The following LHX8 variants were observed in gnomAD, a reference collection of about 807,000 sequenced individuals.
LHX8 encodes LIM homeobox 8, also known as LIM/homeobox protein Lhx8.
A neutral mutation model predicts 40.3 loss-of-function variants in LHX8; 12 were observed. The ratio of observed to expected loss-of-function variants is 0.30; its 90% CI spans 0.19 to 0.48. The LOEUF (loss-of-function observed/expected upper bound fraction) is 0.48, where lower values mean the gene tolerates loss of function less well. LHX8 is among the 20% of genes least tolerant of loss of function. LHX8 has a pLI of 0.99. For synonymous variants in LHX8, 179 were observed against 162.0 expected (o/e 1.10, Z -0.80); for missense variants, 344 against 433.7 (o/e 0.79, Z 1.84).
chr1:75,194,200 T>G, the LHX8 span, among the ~76,000 whole-genome samples: 1 of 152,034 alleles, frequency 6.6e-6, no homozygotes, highest in African/African-American at 2.4e-5. Context: ...CTCCTACTTT[T>G]TTATTCATTT....
chr1:75,171,821 A>G, the LHX8 span, among the ~76,000 whole-genome samples: 1 of 152,194 alleles, frequency 6.6e-6, no homozygotes, highest in Non-Finnish European at 1.5e-5. Context: ...CAGGGTAACA[A>G]TGGCCATCTT....
chr1:75,137,602 T>C (rs1194753429), intron 3 of LHX8, among the ~76,000 whole-genome samples: 1 of 152,198 alleles, frequency 6.6e-6, no homozygotes, highest in Non-Finnish European at 1.5e-5. Flanking sequence ...TGCTTAGTTA[T>C]TTTTCACCCA....
chr1:75,192,420 C>CCCAAGG, the LHX8 span, among the ~76,000 whole-genome samples: 1 of 152,122 alleles, frequency 6.6e-6, no homozygotes, highest in African/African-American at 2.4e-5. Flanking sequence ...AGTCCTAATT[C>CCCAAGG]CCAAGGCCTA....
At chr1:75,143,460 T>G (rs980074032) in intron 5 of LHX8, 122 bp downstream of exon 5, 6 of 680,174 alleles carry the variant, frequency 8.8e-6, no homozygotes, top group African/African-American at 1.8e-5. Flanking sequence ...GTAAAACTCA[T>G]TAAGTACTCT....
At chr1:75,130,563 G>A, upstream of LHX8, 1 of 778,916 alleles carries the variant, frequency 1.3e-6, no homozygotes. Flanking sequence ...CCAGACGGAG[G>A]CCCTCGCCCG....
At position 75,157,179 on chromosome 1, in the gene LHX8, G is replaced by A. The variant is rs1042691463; in HGVS notation, c.964+103G>A. On this transcript the variant is annotated intron_variant, in intron 8 of 8. Transcript: ENST00000356261. ...ATTCACATTTTGAAATATTACCTCA[G>A]TAGTAGCTGAAAAATATTGTGGGGG... The A allele has an allele frequency of 6.2e-6, 8 of 1,294,076 alleles. No homozygotes were observed. The African/African-American group carries it at 8.8e-5, about 14-fold the overall frequency. The allele number at this position is 1,294,076 out of a possible 1,614,324, so 80.2% of individuals were successfully genotyped here.
In LHX8 at chr1:75,135,597, G is replaced by C. The variant is rs576337137; in HGVS notation, c.-13+643G>C. ...AGTCAGAAATGCAGAAGTGCGAGCCGCTCGAGTTCGGGGTACCCACCCGCC... is the reference window on the plus strand; with the variant it reads ...AGTCAGAAATGCAGAAGTGCGAGCCCCTCGAGTTCGGGGTACCCACCCGCC... On this transcript the variant is annotated intron_variant, in intron 1 of 8. Coordinates refer to ENST00000356261, the MANE Select transcript of LHX8 (RefSeq NM_001256114.2). Among the ~76,000 whole-genome samples, 5 of 152,314 alleles carry C rather than the reference G, an allele frequency of 3.3e-5. No homozygotes were observed. In the South Asian group the frequency reaches 8.3e-4, roughly 25 times the overall value.
the LHX8 span, among the ~76,000 whole-genome samples, chr1:75,191,376 C>G: frequency 6.6e-6 from 1 of 152,160 alleles, no homozygotes; most frequent in African/African-American, 2.4e-5. Flanking sequence ...CCGCAGCCCC[C>G]ACTCTCTCCA....
intron 3 of LHX8, 136 bp downstream of exon 3, chr1:75,137,397 G>A: frequency 1.2e-6 from 1 of 861,754 alleles, no homozygotes; most frequent in Non-Finnish European, 1.9e-6. Flanking sequence ...CAGAAAATCA[G>A]CCCAGTTTAG....
At chr1:75,185,751 A>G in the LHX8 span, among the ~76,000 whole-genome samples, 2 of 152,184 alleles carry the variant, frequency 1.3e-5, no homozygotes, top group African/African-American at 4.8e-5. Context: ...GAGTAAGTCA[A>G]ATTTTTCCTG....
At chr1:75,189,802 C>T in the LHX8 span, among the ~76,000 whole-genome samples, 2 of 152,188 alleles carry the variant, frequency 1.3e-5, no homozygotes, top group Non-Finnish European at 2.9e-5. Context: ...CCTCATCATA[C>T]TGTAATCTCT....
downstream of LHX8, among the ~76,000 whole-genome samples, chr1:75,165,866 C>T (rs565358137): frequency 1.3e-5 from 2 of 152,188 alleles, no homozygotes; most frequent in African/African-American, 4.8e-5. Context: ...TCTTTTTACA[C>T]CATTTAGCAT....
the LHX8 span, among the ~76,000 whole-genome samples, chr1:75,178,408 T>G: frequency 6.6e-6 from 1 of 152,286 alleles, no homozygotes; most frequent in South Asian, 2.1e-4. Flanking sequence ...TGGGGGGGTG[T>G]ATGTGTCCAG....
the LHX8 span, among the ~76,000 whole-genome samples, chr1:75,173,036 G>A: frequency 3.8e-3 from 575 of 152,246 alleles, 3 homozygotes; most frequent in African/African-American, 0.012. Flanking sequence ...TTCTTTTGAA[G>A]AAAGGGCTCT....
chr1:75,157,626 C>T (rs1648805936), intron 8 of LHX8, among the ~76,000 whole-genome samples: 1 of 152,196 alleles, frequency 6.6e-6, no homozygotes, highest in Non-Finnish European at 1.5e-5. Context: ...CCCAAAGTAA[C>T]ATGGCACTGA....
the LHX8 span, among the ~76,000 whole-genome samples, chr1:75,187,511 T>A: frequency 6.6e-6 from 1 of 151,990 alleles, no homozygotes; most frequent in East Asian, 1.9e-4. Context: ...GTGAGGAAAG[T>A]ATTGGGGGGG....
At chr1:75,140,144 TTAAAG>T (rs1309930390) in intron 3 of LHX8, among the ~76,000 whole-genome samples, 1 of 152,214 alleles carries the variant, frequency 6.6e-6, no homozygotes, top group East Asian at 1.9e-4. Context: ...TGGCAACAGT[TTAAAG>T]TAAGAGTAAT....
chr1:75,154,987 T>C (rs1265383482), intron 7 of LHX8, among the ~76,000 whole-genome samples: 1 of 152,090 alleles, frequency 6.6e-6, no homozygotes, highest in Non-Finnish European at 1.5e-5. Flanking sequence ...CAGCTTTTTC[T>C]TATAAATTCT....
chr1:75,143,375 A>T (rs1018410091), intron 5 of LHX8, 37 bp downstream of exon 5: 7 of 1,446,228 alleles, frequency 4.8e-6, no homozygotes, highest in Non-Finnish European at 5.8e-6. Context: ...GTCTTTTGAG[A>T]CAGTGAATAC....
Sources: allele counts gnomAD v4.1 joint callset (sites outside exome capture counted in the v4.1 genomes callset), GRCh38; gene constraint gnomAD v4.1.1; transcripts MANE v1.5; gene names NCBI Gene and HGNC (gene_info 2026-07-23, HGNC 2026-07-21).